AADACL2: variants seen among roughly 807,000 people sequenced by gnomAD.
AADACL2 encodes the protein arylacetamide deacetylase like 2, also known as arylacetamide deacetylase-like 2.
AADACL2 carries 23 observed loss-of-function variants against 22.3 expected under a neutral mutation model. The observed-to-expected ratio is 1.03, with a 90% CI of 0.74 to 1.46. The LOEUF is 1.46. Ranked by LOEUF, AADACL2 falls within the 40% of genes most tolerant of loss-of-function variation. The pLI, the probability that AADACL2 is intolerant of heterozygous loss-of-function variation, is 0.00. For missense variants in AADACL2, 472 were observed against 482.9 expected, an observed-to-expected ratio of 0.98 and a Z score of 0.21; for synonymous variants, 177 against 166.2, an observed-to-expected ratio of 1.07 and a Z score of -0.50.
Position 151,759,549 on chromosome 3 carries a change from T to TAG in AADACL2, c.*1956_*1957insGA, listed in dbSNP as rs1253190951. 1 of 152,190 alleles carries TAG rather than the reference T, an allele frequency of 6.6e-6. No individual in the cohort carries two copies. The highest frequency in any genetic ancestry group is 1.5e-5 in the Non-Finnish European group (1 of 68,018). The allele number at this position is 152,190 out of a possible 1,614,324, so 9.4% of individuals were successfully genotyped here. A position where few individuals can be genotyped will look rare whatever the true frequency, so the allele number is the denominator to read the frequency against. On this transcript the variant is annotated 3_prime_UTR_variant, in exon 5 of 5. Transcript: ENST00000356517. ...GAAAGGATGGCTCACAGCTAGATAATAACTAAGTTTGTTTTCGTTTTGAAA... is the reference window on the plus strand; with the variant it reads ...GAAAGGATGGCTCACAGCTAGATAATAGAACTAAGTTTGTTTTCGTTTTGAAA...
Position 151,758,115 on chromosome 3 carries a change from A to C in AADACL2, c.*521A>C, listed in dbSNP as rs1714011514. On this transcript the variant is annotated 3_prime_UTR_variant, in exon 5 of 5. Transcript: ENST00000356517. ...TACAGTTCTGGGGTCCTAAAGCATG[A>C]AATTAGTATTAACTAGGCCCAAACC... 1 of 152,784 alleles carries C rather than the reference A, an allele frequency of 6.5e-6. No homozygotes were observed. Among genetic ancestry groups the C allele is most frequent in the East Asian group, 1.9e-4 (1 of 5,212 alleles). The allele number at this position is 152,784 out of a possible 1,614,324, so 9.5% of individuals were successfully genotyped here.
chr3:151,760,419 A>C lies in AADACL2; in HGVS notation c.*2825A>C, dbSNP rs1451462476. 2.0e-5 allele frequency: 3 copies of C among 152,200 alleles called. No homozygotes were observed. The highest frequency in any genetic ancestry group is 4.4e-5 in the Non-Finnish European group (3 of 68,036). 9.4% of individuals were successfully genotyped at this position (152,200 alleles called of 1,614,324 possible). ...ATGTTACAGTTTGTGTACTAGTCCA[A>C]GTCCCAAGTTGTGACGATACAGCTC... On this transcript the variant is annotated 3_prime_UTR_variant, in exon 5 of 5. Coordinates refer to ENST00000356517, the MANE Select transcript of AADACL2 (RefSeq NM_207365.4).
At position 151,757,056 on chromosome 3, in the gene AADACL2, A is replaced by T. The variant is rs773798017; in HGVS notation, c.668A>T (p.Gln223Leu). 6.2e-7 allele frequency: 1 copy of T among 1,613,010 alleles called. No homozygotes were observed. Among genetic ancestry groups the T allele is most frequent in the Non-Finnish European group, 8.5e-7 (1 of 1,179,530 alleles). Residue 223 changes from glutamine to leucine, a missense_variant, in exon 5 of 5, where the codon CAG (glutamine) becomes CTG (leucine). Physicochemically the swap from Gln to Leu is moderately radical, Grantham distance 113. Around this residue, in one of 3 missense-constraint regions of AADACL2, gnomAD observed 356 missense variants for 365.5 expected, o/e 0.97. Coordinates refer to ENST00000356517, the MANE Select transcript of AADACL2 (RefSeq NM_207365.4). ...KMQVLLYPGL[Q>L]ITDSYLPSHR... Reference sequence around the variant, plus strand: ...CAAGTCTTACTTTACCCTGGCTTACAGATAACAGATTCTTATTTGCCATCT... The same window carrying T: ...CAAGTCTTACTTTACCCTGGCTTACTGATAACAGATTCTTATTTGCCATCT...
intron 4 of AADACL2, among the ~76,000 whole-genome samples, chr3:151,750,398 T>A (rs903610627): frequency 1.3e-5 from 2 of 152,206 alleles, no homozygotes; most frequent in African/African-American, 4.8e-5. Context: ...TAAGTTCACC[T>A]ATGAGTCTCT....
At chr3:151,740,575 C>T (rs1210223853) in intron 1 of AADACL2, 71 bp from the exon 2 acceptor site, 5 of 1,021,806 alleles carry the variant, frequency 4.9e-6, no homozygotes, top group African/African-American at 3.3e-5. Context: ...TCCTTTTTAA[C>T]TTTCTTTTTA....
rs748293123 is a variant in AADACL2, at chr3:151,745,564, G to A, written c.487G>A (p.Ala163Thr). Residue 163 changes from alanine (A) to threonine (T), a missense_variant, in exon 4 of 5, where the codon GCA (alanine) becomes ACA (threonine). Around this residue, in one of 3 missense-constraint regions of AADACL2, gnomAD observed 356 missense variants for 365.5 expected, o/e 0.97. Coordinates refer to ENST00000356517, the MANE Select transcript of AADACL2 (RefSeq NM_207365.4). ...TGCTCAGTTTGAAGATGGCCTTGCTGCAGTCAAATTTTTTCTTTTGGAAAA... is the reference window on the plus strand; with the variant it reads ...TGCTCAGTTTGAAGATGGCCTTGCTACAGTCAAATTTTTTCTTTTGGAAAA... ...FPAQFEDGLA[A>T]VKFFLLEKIL... 5.0e-6 allele frequency: 8 copies of A among 1,613,842 alleles called. No individual in the cohort carries two copies. In the South Asian group the frequency reaches 7.7e-5, roughly 16 times the overall value.
chr3:151,740,721 C>T lies in AADACL2; in HGVS notation c.214C>T (p.Gln72Ter). 6.2e-7 allele frequency: 1 copy of T among 1,613,874 alleles called. No individual in the cohort carries two copies. Among genetic ancestry groups the T allele is most frequent in the Non-Finnish European group, 8.5e-7 (1 of 1,179,902 alleles). The change falls in exon 2 of 5, where the codon CAA (glutamine) becomes TAA (stop). Residue 72 changes from glutamine (Q) to a stop codon, truncating the protein, a stop_gained. Coordinates refer to ENST00000356517, the MANE Select transcript of AADACL2 (RefSeq NM_207365.4). LOFTEE classifies it high-confidence loss of function. ...CATGATATTCAGGCTGGATTATACC[C>T]AACCACTTTCAGATGAATACATCAC... is the stretch of plus-strand genomic sequence containing the variant. ...ISMIFRLDYT[Q>*]PLSDEYITVT...
rs1281276618 is a variant in AADACL2 at position 151,759,109 on chromosome 3, T to C, written c.*1515T>C. 1 of 152,154 alleles carries C rather than the reference T, an allele frequency of 6.6e-6. No individual in the cohort carries two copies. Among genetic ancestry groups the C allele is most frequent in the Admixed American group, 6.6e-5 (1 of 15,254 alleles). 9.4% of individuals were successfully genotyped at this position (152,154 alleles called of 1,614,324 possible). ...AATAAGTATCATGGGAATCTGTTTT[T>C]TTCCTCTGAGAAATAAAATCTAAAT... On this transcript the variant is annotated 3_prime_UTR_variant, in exon 5 of 5. Transcript: ENST00000356517.
rs773798017 is a variant in AADACL2, at chr3:151,757,056, A to G, written c.668A>G (p.Gln223Arg). 3.7e-6 allele frequency: 6 copies of G among 1,612,892 alleles called. No homozygotes were observed. The highest frequency in any genetic ancestry group is 4.2e-6 in the Non-Finnish European group (5 of 1,179,538). Reference sequence around the variant, plus strand: ...CAAGTCTTACTTTACCCTGGCTTACAGATAACAGATTCTTATTTGCCATCT... The same window carrying G: ...CAAGTCTTACTTTACCCTGGCTTACGGATAACAGATTCTTATTTGCCATCT... ...KMQVLLYPGL[Q>R]ITDSYLPSHR... is the part of the protein sequence containing the mutation. The change falls in exon 5 of 5, where the codon CAG (glutamine) becomes CGG (arginine). Residue 223 changes from glutamine (Q) to arginine (R), a missense_variant. Physicochemically the swap from Gln to Arg is conservative, Grantham distance 43 (BLOSUM62 1). This residue lies in a region of AADACL2 where 356 missense variants were observed against 365.5 expected (regional missense o/e 0.97). Transcript: ENST00000356517.
chr3:151,756,342 T>A (rs900847301), intron 4 of AADACL2, among the ~76,000 whole-genome samples: 5 of 152,036 alleles, frequency 3.3e-5, no homozygotes, highest in Admixed American at 3.3e-4. Flanking sequence ...TTTTTCATAA[T>A]TTTCTCCCTT....
intron 1 of AADACL2, among the ~76,000 whole-genome samples, chr3:151,737,330 T>C (rs1206379335): frequency 6.6e-6 from 1 of 151,378 alleles, no homozygotes; most frequent in Non-Finnish European, 1.5e-5. Flanking sequence ...AGAGACTTTT[T>C]TTTTTTAATT....
rs146955989 is a variant in AADACL2, at chr3:151,735,643, A to G, written c.138+1470A>G. ...TGTTGTGGTGCACGCCTGTAATCCCAGCTACTGGGGAGGCTGAGGCAGGAG... is the reference window on the plus strand; with the variant it reads ...TGTTGTGGTGCACGCCTGTAATCCCGGCTACTGGGGAGGCTGAGGCAGGAG... On this transcript the variant is annotated intron_variant, in intron 1 of 4. Coordinates refer to ENST00000356517, the MANE Select transcript of AADACL2 (RefSeq NM_207365.4). Among the ~76,000 whole-genome samples, 1,280 of 152,348 alleles carry G rather than the reference A, an allele frequency of 8.4e-3. 19 individuals carry two copies. The highest frequency in any genetic ancestry group is 0.029 in the African/African-American group (1,225 of 41,594).
Position 151,745,545 on chromosome 3 carries a change from GT to G in AADACL2, c.471del (p.Phe157LeufsTer38). 6.2e-7 allele frequency: 1 copy of G among 1,613,772 alleles called. No homozygotes were observed. ...CTCCTCAACACCACTTTCCTGCTCA[GT>G]TTGAAGATGGCCTTGCTGCAGTCAA... ...LAPQHHFPAQFEDGLAAVKFF... is the reference protein window; with the variant it reads ...LAPQHHFPAQXEDGLAAVKFF... On this transcript the variant is annotated frameshift_variant, in exon 4 of 5. Transcript: ENST00000356517. LOFTEE classifies it high-confidence loss of function.
chr3:151,744,017 C>T (rs950689806), intron 2 of AADACL2, 76 bp from the exon 3 acceptor site: 24 of 1,460,604 alleles, frequency 1.6e-5, no homozygotes, highest in Non-Finnish European at 2.3e-5. Flanking sequence ...ACAGTTATTT[C>T]CACATTCATA....
chr3:151,749,238 T>A (rs537496647), intron 4 of AADACL2, among the ~76,000 whole-genome samples: 24 of 151,470 alleles, frequency 1.6e-4, no homozygotes, highest in Non-Finnish European at 3.1e-4. Context: ...TGTGTATAGA[T>A]CTTTCTACCT....
chr3:151,753,470 G>T (rs986016145), intron 4 of AADACL2, among the ~76,000 whole-genome samples: 5 of 152,028 alleles, frequency 3.3e-5, no homozygotes, highest in African/African-American at 1.2e-4. Flanking sequence ...GCTAGGATGA[G>T]GCCAAAAAAT....
At chr3:151,745,811 G>C (rs1336714755) in intron 4 of AADACL2, 131 bp downstream of exon 4, 1 of 938,996 alleles carries the variant, frequency 1.1e-6, no homozygotes, top group Non-Finnish European at 1.5e-6. Flanking sequence ...TAGCACTTGA[G>C]TAAACATTTA....
intron 3 of AADACL2, 21 bp from the exon 4 acceptor site, chr3:151,745,488 T>C (rs1434995690): frequency 6.2e-7 from 1 of 1,601,364 alleles, no homozygotes; most frequent in Non-Finnish European, 8.5e-7. Context: ...CCATAAATGC[T>C]TTATTATTCT....
Position 151,742,385 on chromosome 3 carries a change from C to G in AADACL2, c.361+1517C>G, listed in dbSNP as rs376925677. On this transcript the variant is annotated intron_variant, in intron 2 of 4. Coordinates refer to ENST00000356517, the MANE Select transcript of AADACL2 (RefSeq NM_207365.4). ...AACAAGACCAGAGAGATTATATCAGCAAATATTCTATGAGTACAGACAGTT... is the reference window on the plus strand; with the variant it reads ...AACAAGACCAGAGAGATTATATCAGGAAATATTCTATGAGTACAGACAGTT... 2.6e-4 allele frequency among the ~76,000 whole-genome samples: 39 copies of G among 152,076 alleles called. 2 individuals are homozygous for G. Among genetic ancestry groups the G allele is most frequent in the Admixed American group, 1.3e-3 (20 of 15,270 alleles).
Sources: gnomAD v4.1 joint callset for allele counts (sites outside exome capture counted in the v4.1 genomes callset) on GRCh38, gnomAD v4.1.1 for gene constraint, gnomAD v4.1.1 regional missense constraint, MANE v1.5 for transcripts, NCBI Gene and HGNC (gene_info 2026-07-23, HGNC 2026-07-21) for gene names.